Variants in OAS3 observed in about 807,000 individuals in gnomAD.
OAS3 encodes 2'-5'-oligoadenylate synthase 3.
In OAS3, 107 loss-of-function variants were observed where a neutral mutation model predicts 113.0. That is an observed-to-expected ratio of 0.95 (90% confidence interval 0.81 to 1.11). The LOEUF is 1.11. Ranked by LOEUF, OAS3 falls within the 50% of genes most tolerant of loss-of-function variation. OAS3 has a pLI of 0.00. For missense variants in OAS3, 1,258 were observed against 1,389.1 expected (o/e 0.91, Z 1.50); for synonymous variants, 552 against 573.6 (o/e 0.96, Z 0.54).
At chr12:112,951,839 CAAAA>C (rs3038125) in intron 7 of OAS3, among the ~76,000 whole-genome samples, 6,581 of 105,748 alleles carry the variant, frequency 0.062, 224 homozygotes, top group East Asian at 0.3. Context: ...ACTAAAAATA[CAAAA>C]AAAAAAAAAA....
At position 112,944,657 on chromosome 12, in the gene OAS3, G is replaced by T. The variant is rs1319070484; in HGVS notation, c.636+6G>T. ...TGAAGCACTGGTACCACCAGGTGAA[G>T]CCACTTGGAAGGGTTTCTCCAGACA... On this transcript the variant is annotated splice_donor_region_variant and intron_variant, in intron 3 of 15. Coordinates refer to ENST00000228928, the MANE Select transcript of OAS3 (RefSeq NM_006187.4). 1.2e-6 allele frequency: 2 copies of T among 1,613,920 alleles called. No homozygotes were observed. The highest frequency in any genetic ancestry group is 2.2e-5 in the East Asian group (1 of 44,894).
chr12:112,969,485 C>A, intron 14 of OAS3, 123 bp from the exon 15 acceptor site: 2 of 1,166,086 alleles, frequency 1.7e-6, no homozygotes, highest in Non-Finnish European at 2.5e-6. Context: ...ACTGAGGAAT[C>A]TCTGAGCCCT....
chr12:112,948,018 A>G lies in OAS3; in HGVS notation c.948A>G (p.Leu316=). 2 of 1,602,354 alleles carry G rather than the reference A, an allele frequency of 1.2e-6. No homozygotes were observed. The highest frequency in any genetic ancestry group is 1.7e-6 in the Non-Finnish European group (2 of 1,174,150). Residue 316 remains leucine (L), a synonymous_variant, in exon 5 of 16, where the codon CTA becomes CTG. Transcript: ENST00000228928. ...GNGAAWHWDL[L]AQEAASCYDH... ...GGGCAGCCTGGCACTGGGATTTGCT[A>G]GCCCAGGAGGCAGCATCCTGCTATG...
intron 2 of OAS3, among the ~76,000 whole-genome samples, chr12:112,943,792 C>A (rs1272060195): frequency 1.3e-5 from 2 of 152,178 alleles, no homozygotes; most frequent in Admixed American, 1.3e-4. Context: ...CAGCTCACTG[C>A]AACCTCTGCC....
At position 112,944,548 on chromosome 12, in the gene OAS3, G is replaced by A. The variant is rs749791204; in HGVS notation, c.533G>A (p.Gly178Asp). 3.9e-5 allele frequency: 63 copies of A among 1,613,946 alleles called. No individual in the cohort carries two copies. The highest frequency in any genetic ancestry group is 5.2e-5 in the Non-Finnish European group (61 of 1,179,906). ...STLLNSGCQG[G>D]EHAACFTELR... ...CTCCTCAACAGTGGCTGCCAAGGGG[G>A]CGAGCATGCGGCCTGCTTCACAGAG... The change falls in exon 3 of 16, where the codon GGC becomes GAC. Residue 178 changes from glycine to aspartate, a missense_variant. Gly to Asp is a moderately conservative substitution (Grantham distance 94). Coordinates refer to ENST00000228928, the MANE Select transcript of OAS3 (RefSeq NM_006187.4).
chr12:112,967,435 T>C lies in OAS3; in HGVS notation c.2707T>C (p.Ser903Pro), dbSNP rs777228469. The change falls in exon 13 of 16, where the codon TCC (serine) becomes CCC (proline). Residue 903 changes from serine to proline, a missense_variant. Coordinates refer to ENST00000228928, the MANE Select transcript of OAS3 (RefSeq NM_006187.4). ...ATCTCCAGGCCAGCTGGTCTCTGGC[T>C]CCAGGCCCAGCTCTCAAGTCTACGT... ...FDALGQLVSGSRPSSQVYVDL... is the reference protein window; with the variant it reads ...FDALGQLVSGPRPSSQVYVDL... 8 of 1,612,600 alleles carry C rather than the reference T, an allele frequency of 5.0e-6. No individual in the cohort carries two copies. In the Admixed American group the frequency reaches 1.3e-4, roughly 27 times the overall value.
intron 2 of OAS3, 113 bp from the exon 3 acceptor site, chr12:112,944,363 C>A: frequency 1.8e-6 from 2 of 1,132,676 alleles, no homozygotes; most frequent in East Asian, 2.4e-5. Context: ...ATTTCTTCCC[C>A]TCTGAATTCT....
In OAS3 at chr12:112,939,907, C is replaced by T. The variant is rs555013065; in HGVS notation, c.177+1200C>T. 5.3e-5 allele frequency among the ~76,000 whole-genome samples: 8 copies of T among 152,236 alleles called. No individual in the cohort carries two copies. In the South Asian group the frequency reaches 1.5e-3, roughly 28 times the overall value. On this transcript the variant is annotated intron_variant, in intron 1 of 15. Transcript: ENST00000228928. The stretch of plus-strand genomic sequence containing the variant: ...CTAGTGGTTTCCTGGGGCTGACTCT[C>T]AGCTTGGGAGGTGGGGAAGGAGGAG...
At chr12:112,948,153 G>A in intron 5 of OAS3, 54 bp downstream of exon 5, 1 of 1,456,712 alleles carries the variant, frequency 6.9e-7, no homozygotes, top group Non-Finnish European at 9.1e-7. Flanking sequence ...TATGTGTCCA[G>A]TGTTTCCTGA....
intron 4 of OAS3, among the ~76,000 whole-genome samples, chr12:112,947,262 C>T (rs1036884358): frequency 3.3e-5 from 5 of 152,142 alleles, no homozygotes; most frequent in African/African-American, 1.2e-4. Flanking sequence ...GTGTGAAGAC[C>T]GCATACTTTG....
In OAS3 at chr12:112,956,104, AT is replaced by A. The variant is rs1480267333; in HGVS notation, c.1658-4963del. ...CCGGGAATTTATCCATTTTATCTAG[AT>A]TTTCTAGTTTATTTGTGTAGAGGTG... is the stretch of plus-strand genomic sequence containing the variant. On this transcript the variant is annotated intron_variant, in intron 7 of 15. Coordinates refer to ENST00000228928, the MANE Select transcript of OAS3 (RefSeq NM_006187.4). Among the ~76,000 whole-genome samples, 11 of 151,658 alleles carry A rather than the reference AT, an allele frequency of 7.3e-5. No homozygotes were observed. The East Asian group carries it at 1.7e-3, about 24-fold the overall frequency.
chr12:112,944,600 C>T lies in OAS3; in HGVS notation c.585C>T (p.Arg195=), dbSNP rs755041115. ...TELRRNFVNI[R]PAKLKNLILL... The stretch of plus-strand genomic sequence containing the variant: ...TGCGGAGGAACTTTGTGAACATTCG[C>T]CCAGCCAAGTTGAAGAACCTAATCT... The change falls in exon 3 of 16, where the codon CGC becomes CGT. Residue 195 remains arginine (R), a synonymous_variant. Coordinates refer to ENST00000228928, the MANE Select transcript of OAS3 (RefSeq NM_006187.4). The T allele has an allele frequency of 1.2e-6, 2 of 1,614,062 alleles. No individual in the cohort carries two copies. The highest frequency in any genetic ancestry group is 4.5e-5 in the East Asian group (2 of 44,892).
chr12:112,944,331 C>A, intron 2 of OAS3, 145 bp from the exon 3 acceptor site: 2 of 791,378 alleles, frequency 2.5e-6, no homozygotes, highest in African/African-American at 1.7e-5. Context: ...TCTTCCCAGT[C>A]CCCCGACTCC....
Position 112,970,092 on chromosome 12 carries a change from A to C in OAS3, c.*119A>C. ...ATTGTGTACATGTGTGTGTGAGCAC[A>C]TGTGTGCATGTGTGTGCACACGTGT... On this transcript the variant is annotated 3_prime_UTR_variant, in exon 16 of 16. Coordinates refer to ENST00000228928, the MANE Select transcript of OAS3 (RefSeq NM_006187.4). 1 of 1,142,844 alleles carries C rather than the reference A, an allele frequency of 8.8e-7. No homozygotes were observed. Among genetic ancestry groups the C allele is most frequent in the Admixed American group, 2.0e-5 (1 of 50,536 alleles). The allele number at this position is 1,142,844 out of a possible 1,614,324, so 70.8% of individuals were successfully genotyped here. A position where few individuals can be genotyped will look rare whatever the true frequency, so the allele number is the denominator to read the frequency against.
At chr12:112,959,320 C>T (rs2891413) in intron 7 of OAS3, among the ~76,000 whole-genome samples, 89,642 of 151,520 alleles carry the variant, frequency 0.59, 27,162 homozygotes, top group East Asian at 0.9. Context: ...TGCCCTGCTT[C>T]GGCTCATGGT....
At chr12:112,964,446 C>A (rs1435120615) in intron 11 of OAS3, 38 bp downstream of exon 11, 4 of 1,587,796 alleles carry the variant, frequency 2.5e-6, no homozygotes, top group Non-Finnish European at 3.4e-6. Flanking sequence ...CAGTGTCCTG[C>A]AAGCTGGTGA....
At chr12:112,967,396 G>A in intron 12 of OAS3, 22 bp from the exon 13 acceptor site, 1 of 1,601,460 alleles carries the variant, frequency 6.2e-7, no homozygotes, top group Non-Finnish European at 8.5e-7. Context: ...CGGAGTGATG[G>A]TAACCATCTC....
At chr12:112,949,743 G>A (rs1331346766) in intron 6 of OAS3, among the ~76,000 whole-genome samples, 4 of 152,146 alleles carry the variant, frequency 2.6e-5, no homozygotes, top group Admixed American at 2.6e-4. Flanking sequence ...TCTTGCCCGG[G>A]CACGGTGGCT....
At chr12:112,961,371 G>C in intron 8 of OAS3, 125 bp downstream of exon 8, 2 of 876,990 alleles carry the variant, frequency 2.3e-6, no homozygotes, top group Non-Finnish European at 3.4e-6. Context: ...AGAGCAGAAG[G>C]ACCGGCCTCC....
Sources: allele counts gnomAD v4.1 joint callset (sites outside exome capture counted in the v4.1 genomes callset), GRCh38; gene constraint gnomAD v4.1.1; transcripts MANE v1.5; gene names NCBI Gene and HGNC (gene_info 2026-07-23, HGNC 2026-07-21).